ABCC4: variants seen among roughly 807,000 people sequenced by gnomAD.
ABCC4 encodes ATP-binding cassette sub-family C member 4.
A neutral mutation model predicts 168.5 loss-of-function variants in ABCC4; 102 were observed. The ratio of observed to expected loss-of-function variants is 0.61; its 90% CI spans 0.52 to 0.71. ABCC4 has a LOEUF of 0.71. ABCC4 is among the 30% of genes least tolerant of loss of function. ABCC4 has a pLI of 0.00. For missense variants in ABCC4, 1,402 were observed against 1,605.8 expected, an observed-to-expected ratio of 0.87 and a Z score of 2.17; for synonymous variants, 617 against 590.7, an observed-to-expected ratio of 1.04 and a Z score of -0.65.
At position 95,280,030 on chromosome 13, in the gene ABCC4, C is replaced by T. The variant is rs942754972; in HGVS notation, c.74+21211G>A. ...CCTTAAGATTCTCACAGGGAAGAACCCACACAACAGCTTTGTCCCTGCGAC... is the reference window on the plus strand; with the variant it reads ...CCTTAAGATTCTCACAGGGAAGAACTCACACAACAGCTTTGTCCCTGCGAC... On this transcript the variant is annotated intron_variant, in intron 1 of 30. Coordinates refer to ENST00000645237, the MANE Select transcript of ABCC4 (RefSeq NM_005845.5). 2.5e-4 allele frequency among the ~76,000 whole-genome samples: 38 copies of T among 152,228 alleles called. 1 individual carries two copies. The highest frequency in any genetic ancestry group is 8.4e-4 in the African/African-American group (35 of 41,548).
chr13:95,108,644 T>TC (rs2035091966), intron 20 of ABCC4, among the ~76,000 whole-genome samples: 1 of 151,260 alleles, frequency 6.6e-6, no homozygotes, highest in Non-Finnish European at 1.5e-5. Context: ...CTATTTTCTT[T>TC]TTTTTTTTTT....
intron 27 of ABCC4, among the ~76,000 whole-genome samples, chr13:95,051,953 C>A (rs2032858603): frequency 6.6e-6 from 1 of 152,100 alleles, no homozygotes; most frequent in East Asian, 1.9e-4. Flanking sequence ...GCATGAGCCA[C>A]CGGGCCTGGC....
chr13:95,187,627 G>A (rs1038227508), intron 10 of ABCC4, among the ~76,000 whole-genome samples: 2 of 152,050 alleles, frequency 1.3e-5, no homozygotes, highest in South Asian at 2.1e-4. Flanking sequence ...ACATACATAC[G>A]TGAATAAATG....
chr13:95,144,533 T>C (rs984862176), intron 19 of ABCC4, among the ~76,000 whole-genome samples: 1 of 152,146 alleles, frequency 6.6e-6, no homozygotes, highest in Non-Finnish European at 1.5e-5. Flanking sequence ...CCAGATCTGA[T>C]AAACAACTTC....
At chr13:95,278,739 G>A (rs1367211171) in intron 1 of ABCC4, among the ~76,000 whole-genome samples, 1 of 148,784 alleles carries the variant, frequency 6.7e-6, no homozygotes. Flanking sequence ...GGGAGGTTGA[G>A]GCTGCAGTGA....
intron 20 of ABCC4, among the ~76,000 whole-genome samples, chr13:95,094,114 C>G (rs1015195081): frequency 2.6e-5 from 4 of 151,910 alleles, no homozygotes; most frequent in African/African-American, 9.7e-5. Context: ...CAAAAGCAAT[C>G]TACAAATTCA....
chr13:95,201,816 T>G lies in ABCC4; in HGVS notation c.1161+4716A>C, dbSNP rs1374436954. Among the ~76,000 whole-genome samples, 3 of 152,012 alleles carry G rather than the reference T, an allele frequency of 2.0e-5. No individual in the cohort carries two copies. In the South Asian group the frequency reaches 6.2e-4, roughly 32 times the overall value. On this transcript the variant is annotated intron_variant, in intron 8 of 30. Transcript: ENST00000645237. The stretch of plus-strand genomic sequence containing the variant: ...GGTGAAACCTTGCCTCTACTAAAAA[T>G]ACAAAAATTAGCTGGACATGGTGGC...
At chr13:95,168,950 C>T (rs2037376775) in intron 14 of ABCC4, among the ~76,000 whole-genome samples, 1 of 152,120 alleles carries the variant, frequency 6.6e-6, no homozygotes, top group African/African-American at 2.4e-5. Flanking sequence ...TGAGGTCATA[C>T]TGGAGTAGGG....
chr13:95,162,679 AT>A (rs1342488280), intron 18 of ABCC4, among the ~76,000 whole-genome samples: 1 of 152,140 alleles, frequency 6.6e-6, no homozygotes, highest in African/African-American at 2.4e-5. Context: ...TAATGCTTTT[AT>A]TTTGGGGGCC....
At position 95,193,653 on chromosome 13, in the gene ABCC4, G is replaced by A. The variant is rs149185477; in HGVS notation, c.1263+1183C>T. ...ACCCCGGACTCAGGTGAGCGTAACC[G>A]CAGAACCAGCCCAATCTGGTTCAAC... On this transcript the variant is annotated intron_variant, in intron 9 of 30. Transcript: ENST00000645237. Among the ~76,000 whole-genome samples, 75 of 152,308 alleles carry A rather than the reference G, an allele frequency of 4.9e-4. 1 individual carries two copies. Among genetic ancestry groups the A allele is most frequent in the Middle Eastern group, 3.4e-3 (1 of 294 alleles).
intron 21 of ABCC4, among the ~76,000 whole-genome samples, chr13:95,076,343 C>T (rs991035453): frequency 1.3e-5 from 2 of 152,194 alleles, no homozygotes; most frequent in Admixed American, 1.3e-4. Flanking sequence ...TTGCTTTTTT[C>T]AGAATCTGAC....
intron 19 of ABCC4, among the ~76,000 whole-genome samples, chr13:95,139,304 G>T (rs190981221): frequency 1.3e-5 from 2 of 152,322 alleles, no homozygotes; most frequent in East Asian, 3.9e-4. Context: ...AGGATTGGCC[G>T]CCCAAAGGAG....
intron 27 of ABCC4, among the ~76,000 whole-genome samples, chr13:95,051,223 G>A (rs1217350044): frequency 6.6e-6 from 1 of 152,220 alleles, no homozygotes. Context: ...TAAGGACTCG[G>A]CAATGACATG....
intron 20 of ABCC4, among the ~76,000 whole-genome samples, chr13:95,110,308 C>CAAA (rs61438342): frequency 2.9e-5 from 3 of 104,560 alleles, no homozygotes; most frequent in African/African-American, 7.4e-5. Context: ...GACTCTGTCT[C>CAAA]AAAAAAAAAA....
intron 1 of ABCC4, among the ~76,000 whole-genome samples, chr13:95,287,514 G>A (rs978964454): frequency 2.7e-5 from 4 of 150,800 alleles, no homozygotes; most frequent in African/African-American, 9.8e-5. Flanking sequence ...TTGAATCTGG[G>A]AGGTAGAAGT....
At chr13:95,182,409 A>G (rs979512518) in intron 11 of ABCC4, among the ~76,000 whole-genome samples, 1 of 152,258 alleles carries the variant, frequency 6.6e-6, no homozygotes, top group African/African-American at 2.4e-5. Flanking sequence ...GGGTGACATA[A>G]TATTAATACA....
At chr13:95,149,600 T>C (rs143348556) in intron 19 of ABCC4, among the ~76,000 whole-genome samples, 5 of 152,348 alleles carry the variant, frequency 3.3e-5, no homozygotes, top group African/African-American at 1.2e-4. Flanking sequence ...CTTCCTTCTC[T>C]ACTTTTAAAT....
chr13:95,219,389 C>T (rs4111022), intron 4 of ABCC4, among the ~76,000 whole-genome samples: 82,914 of 151,854 alleles, frequency 0.55, 22,981 homozygotes, highest in Non-Finnish European at 0.58. Context: ...AAAGAAGGGA[C>T]AGTGAGGACA....
intron 4 of ABCC4, among the ~76,000 whole-genome samples, chr13:95,219,926 G>C (rs1344662486): frequency 6.7e-6 from 1 of 148,842 alleles, no homozygotes. Context: ...CATGATCTTG[G>C]CTCACTGCAA....
Sources: allele counts gnomAD v4.1 joint callset (sites outside exome capture counted in the v4.1 genomes callset), GRCh38; gene constraint gnomAD v4.1.1; transcripts MANE v1.5; gene names NCBI Gene and HGNC (gene_info 2026-07-23, HGNC 2026-07-21).